The following SH3KBP1 variants were observed in gnomAD, a reference collection of about 807,000 sequenced individuals.
SH3KBP1 encodes SH3 domain containing kinase binding protein 1.
Under a neutral mutation model 50.1 loss-of-function variants are expected in SH3KBP1, and 8 were observed. The observed-to-expected ratio is 0.16, with a 90% CI of 0.09 to 0.29. The LOEUF (loss-of-function observed/expected upper bound fraction) is 0.29. Among genes scored for constraint, SH3KBP1 ranks in the 10% least tolerant of loss-of-function variants. The probability of loss-of-function intolerance (pLI) is 1.00; values close to 1 mark genes in which losing one functional copy is unlikely to be tolerated. For synonymous variants in SH3KBP1, 227 were observed against 218.6 expected (o/e 1.04, Z -0.34); for missense variants, 377 against 535.2 (o/e 0.70, Z 2.92).
At chrX:19,553,930 T>TATATAATATATAATATATAAAA (rs1569277363) in intron 13 of SH3KBP1, among the ~76,000 whole-genome samples, 1 of 42,609 alleles carries the variant, frequency 2.3e-5, no homozygotes, top group Admixed American at 4.2e-4. Context: ...AATATTAAAA[T>TATATAATATATAATATATAAAA]ATATAATATA....
chrX:19,750,616 C>T, intron 2 of SH3KBP1, among the ~76,000 whole-genome samples: 1 of 111,778 alleles, frequency 8.9e-6, no homozygotes, highest in Non-Finnish European at 1.9e-5. Context: ...CCCCACAGAA[C>T]CAATTACCAT....
intron 3 of SH3KBP1, among the ~76,000 whole-genome samples, chrX:19,722,861 A>G (rs1414593259): frequency 1.8e-5 from 2 of 109,828 alleles, no homozygotes. Flanking sequence ...TCAACCAGGC[A>G]TGCTGGCTCA....
chrX:19,831,412 CAAAAAAA>C (rs1168426297), intron 2 of SH3KBP1, among the ~76,000 whole-genome samples: 2 of 47,638 alleles, frequency 4.2e-5, no homozygotes, highest in African/African-American at 1.6e-4. Context: ...CAACCCATCT[CAAAAAAA>C]AAAAAAAAAA....
At chrX:19,639,998 T>C (rs1165941887) in intron 7 of SH3KBP1, among the ~76,000 whole-genome samples, 3 of 107,157 alleles carry the variant, frequency 2.8e-5, no homozygotes, top group Non-Finnish European at 5.8e-5. Flanking sequence ...CCAGCCATTC[T>C]TGAGGCTGGG....
chrX:19,559,716 T>A (rs1369299000), intron 13 of SH3KBP1, among the ~76,000 whole-genome samples: 1 of 111,335 alleles, frequency 9.0e-6, no homozygotes, highest in African/African-American at 3.3e-5. Flanking sequence ...TAGTCTAGCA[T>A]CACCAGGAAT....
chrX:19,757,562 CAAAAA>C (rs35710169), intron 2 of SH3KBP1, among the ~76,000 whole-genome samples: 1 of 78,470 alleles, frequency 1.3e-5, no homozygotes, highest in African/African-American at 4.4e-5. Context: ...TATCTTATGT[CAAAAA>C]AAAAAAAAAA....
intron 1 of SH3KBP1, among the ~76,000 whole-genome samples, chrX:19,874,439 G>A (rs1476554693): frequency 2.9e-5 from 1 of 34,662 alleles, no homozygotes; most frequent in Non-Finnish European, 4.6e-5. Flanking sequence ...AGAGTTGGGG[G>A]GGCAAAGTGG....
intron 3 of SH3KBP1, among the ~76,000 whole-genome samples, chrX:19,737,445 A>G (rs2064622659): frequency 9.0e-6 from 1 of 110,878 alleles, no homozygotes; most frequent in Non-Finnish European, 1.9e-5. Flanking sequence ...TTTCCTCACA[A>G]CCCCACATGT....
intron 12 of SH3KBP1, among the ~76,000 whole-genome samples, chrX:19,570,299 T>C (rs979799333): frequency 4.5e-5 from 5 of 110,591 alleles, no homozygotes; most frequent in Non-Finnish European, 9.5e-5. Flanking sequence ...AGGCAGAGGG[T>C]AGTGGGCAAG....
intron 8 of SH3KBP1, among the ~76,000 whole-genome samples, chrX:19,629,690 G>A (rs1055877955): frequency 8.9e-6 from 1 of 112,279 alleles, no homozygotes; most frequent in African/African-American, 3.2e-5. Context: ...TGTCAAAATG[G>A]TGATATGAGA....
chrX:19,725,898 C>T (rs2064207906), intron 3 of SH3KBP1, among the ~76,000 whole-genome samples: 1 of 112,123 alleles, frequency 8.9e-6, no homozygotes, highest in South Asian at 3.7e-4. Context: ...CAGGTATTTC[C>T]TCATGACCTA....
chrX:19,594,567 C>T (rs2066840587), intron 10 of SH3KBP1, among the ~76,000 whole-genome samples: 1 of 111,966 alleles, frequency 8.9e-6, no homozygotes. Context: ...CTGTGGGAAA[C>T]AATCTTCCCT....
intron 6 of SH3KBP1, among the ~76,000 whole-genome samples, chrX:19,673,981 T>C (rs1005292585): frequency 1.6e-4 from 18 of 112,376 alleles, no homozygotes; most frequent in Non-Finnish European, 1.3e-4. Flanking sequence ...CCACATTCCT[T>C]AAAAAGAGAC....
intron 7 of SH3KBP1, among the ~76,000 whole-genome samples, chrX:19,641,771 T>C (rs923956451): frequency 4.6e-4 from 52 of 112,157 alleles, no homozygotes; most frequent in African/African-American, 1.7e-3. Flanking sequence ...TAAGGTCTCA[T>C]TGTGAGGGGC....
At chrX:19,802,516 T>A (rs968048292) in intron 2 of SH3KBP1, among the ~76,000 whole-genome samples, 2 of 110,980 alleles carry the variant, frequency 1.8e-5, no homozygotes, top group East Asian at 5.7e-4. Context: ...GGTTCCCAAT[T>A]ACCCCAAAAG....
At position 19,760,982 on chromosome X, in the gene SH3KBP1, C is replaced by T. The variant is rs187018747; in HGVS notation, c.163-14541G>A. Among the ~76,000 whole-genome samples, 88 of 107,520 alleles carry T rather than the reference C, an allele frequency of 8.2e-4. 2 individuals carry two copies. The highest frequency in any genetic ancestry group is 9.6e-3 in the Middle Eastern group (2 of 209). The allele number at this position is 107,520 out of a possible 115,157, so 93.4% of individuals were successfully genotyped here. A position where few individuals can be genotyped will look rare whatever the true frequency, so the allele number is the denominator to read the frequency against. On this transcript the variant is annotated intron_variant, in intron 2 of 17. Coordinates refer to ENST00000397821, the MANE Select transcript of SH3KBP1 (RefSeq NM_031892.3). ...CAGAAGGCTACTGGAGGGTGCATTC[C>T]ATCAAGTCAAATGAGTAAAACAAGA...
intron 13 of SH3KBP1, among the ~76,000 whole-genome samples, chrX:19,556,699 C>T (rs762832915): frequency 7.2e-5 from 8 of 111,197 alleles, no homozygotes; most frequent in African/African-American, 2.0e-4. Context: ...GACAGGGTCT[C>T]GTTCTGTCAC....
intron 13 of SH3KBP1, among the ~76,000 whole-genome samples, chrX:19,554,081 ATAT>A: frequency 1.9e-5 from 1 of 52,805 alleles, no homozygotes; most frequent in South Asian, 6.9e-4. Context: ...TACATTATAT[ATAT>A]TAAAATATAA....
At chrX:19,559,520 G>C (rs1237870685) in intron 13 of SH3KBP1, among the ~76,000 whole-genome samples, 1 of 107,442 alleles carries the variant, frequency 9.3e-6, no homozygotes, top group South Asian at 4.2e-4. Context: ...TAGTAGAGAC[G>C]GGATTTCACC....
Sources: allele counts gnomAD v4.1 joint callset (sites outside exome capture counted in the v4.1 genomes callset), GRCh38; gene constraint gnomAD v4.1.1; transcripts MANE v1.5; gene names NCBI Gene and HGNC (gene_info 2026-07-23, HGNC 2026-07-21).